The following FGF12 variants were observed in gnomAD, a reference collection of about 807,000 sequenced individuals.
FGF12 encodes fibroblast growth factor 12, also known as fibroblast growth factor 12B.
In FGF12, 14 loss-of-function variants were observed where a neutral mutation model predicts 23.6. The observed-to-expected ratio is 0.59, with a 90% CI of 0.39 to 0.93. The LOEUF is 0.93. Among genes scored for constraint, FGF12 ranks in the 40% least tolerant of loss-of-function variants. The pLI, the probability that FGF12 is intolerant of heterozygous loss-of-function variation, is 0.00. For missense variants in FGF12, 175 were observed against 217.8 expected (o/e 0.80, Z 1.24); for synonymous variants, 62 against 77.3 (o/e 0.80, Z 1.04).
At chr3:192,289,504 C>A (rs905568820) in intron 4 of FGF12, among the ~76,000 whole-genome samples, 2 of 152,046 alleles carry the variant, frequency 1.3e-5, no homozygotes, top group African/African-American at 2.4e-5. Context: ...GATTCAAATG[C>A]GAAAATACAA....
intron 4 of FGF12, among the ~76,000 whole-genome samples, chr3:192,180,023 T>G (rs1177576427): frequency 2.0e-5 from 3 of 152,144 alleles, no homozygotes; most frequent in Non-Finnish European, 4.4e-5. Flanking sequence ...CCACATAACG[T>G]GTCATGAGGA....
intron 2 of FGF12, among the ~76,000 whole-genome samples, chr3:192,663,552 A>T (rs573120600): frequency 6.6e-6 from 1 of 152,208 alleles, no homozygotes; most frequent in South Asian, 2.1e-4. Flanking sequence ...TTACCCTTCC[A>T]TGTCATCTCT....
chr3:192,666,365 C>A (rs1716873230), intron 2 of FGF12, among the ~76,000 whole-genome samples: 1 of 152,288 alleles, frequency 6.6e-6, no homozygotes, highest in Non-Finnish European at 1.5e-5. Flanking sequence ...GATGGATGCT[C>A]ATTTGTAGTC....
intron 2 of FGF12, among the ~76,000 whole-genome samples, chr3:192,648,203 T>C (rs747108981): frequency 6.6e-6 from 1 of 152,122 alleles, no homozygotes; most frequent in Non-Finnish European, 1.5e-5. Flanking sequence ...TTTATTATTG[T>C]AGGATAAAAA....
intron 2 of FGF12, among the ~76,000 whole-genome samples, chr3:192,659,583 T>C (rs992816368): frequency 1.2e-4 from 18 of 152,172 alleles, no homozygotes; most frequent in Admixed American, 6.5e-5. Flanking sequence ...CTCTCTCCCA[T>C]GACATTTGCT....
intron 2 of FGF12, among the ~76,000 whole-genome samples, chr3:192,537,065 T>C (rs1019654944): frequency 1.3e-5 from 2 of 152,190 alleles, no homozygotes; most frequent in African/African-American, 4.8e-5. Flanking sequence ...TATCTTTCTG[T>C]GCCTGGCTTA....
At chr3:192,445,950 C>A (rs1043668403) in intron 2 of FGF12, among the ~76,000 whole-genome samples, 1 of 152,104 alleles carries the variant, frequency 6.6e-6, no homozygotes, top group Non-Finnish European at 1.5e-5. Flanking sequence ...CTCTGCAGTG[C>A]CCCAGGAATT....
intron 2 of FGF12, among the ~76,000 whole-genome samples, chr3:192,709,549 A>G (rs972667300): frequency 6.6e-6 from 1 of 152,228 alleles, no homozygotes; most frequent in Non-Finnish European, 1.5e-5. Context: ...CAAGAAACCT[A>G]AGTTTCAGTC....
chr3:192,195,817 T>C (rs1376140907), intron 4 of FGF12, among the ~76,000 whole-genome samples: 3 of 152,204 alleles, frequency 2.0e-5, no homozygotes, highest in African/African-American at 7.2e-5. Flanking sequence ...TGGTTAAATA[T>C]ACCTAAGTAA....
intron 2 of FGF12, among the ~76,000 whole-genome samples, chr3:192,577,018 G>C (rs1190220206): frequency 6.6e-6 from 1 of 152,092 alleles, no homozygotes; most frequent in Non-Finnish European, 1.5e-5. Context: ...AGAACACCGG[G>C]ACACAGGGAG....
At chr3:192,610,257 C>T (rs945868468) in intron 2 of FGF12, among the ~76,000 whole-genome samples, 1 of 151,942 alleles carries the variant, frequency 6.6e-6, no homozygotes, top group Non-Finnish European at 1.5e-5. Flanking sequence ...AGTCAGAATC[C>T]AAGCAAAAGA....
intron 2 of FGF12, among the ~76,000 whole-genome samples, chr3:192,532,805 T>C (rs911980441): frequency 2.1e-4 from 32 of 152,212 alleles, no homozygotes; most frequent in African/African-American, 7.2e-4. Flanking sequence ...CTATTTCTTA[T>C]GGTTTTTTGC....
intron 2 of FGF12, among the ~76,000 whole-genome samples, chr3:192,588,363 A>AAG (rs1314666234): frequency 2.0e-5 from 3 of 146,918 alleles, no homozygotes; most frequent in African/African-American, 5.0e-5. Flanking sequence ...AAAAAAAAAA[A>AAG]AAAAGAAAAA....
intron 5 of FGF12, among the ~76,000 whole-genome samples, chr3:192,158,641 C>T (rs1357708764): frequency 1.9e-5 from 1 of 53,950 alleles, no homozygotes; most frequent in African/African-American, 5.9e-5. Context: ...TGTTTTTTCC[C>T]TCCCTCCCTC....
At chr3:192,255,982 G>C (rs7628661) in intron 4 of FGF12, among the ~76,000 whole-genome samples, 5,446 of 152,106 alleles carry the variant, frequency 0.036, 320 homozygotes, top group African/African-American at 0.12. Context: ...ATCATTTCTG[G>C]TGGGGAGGGA....
At chr3:192,407,908 G>T in intron 2 of FGF12, 1 of 1,103,698 alleles carries the variant, frequency 9.1e-7, no homozygotes, top group Non-Finnish European at 1.3e-6. Context: ...TGAGAGAAGA[G>T]GGGTCAGAAT....
intron 4 of FGF12, among the ~76,000 whole-genome samples, chr3:192,314,773 A>C (rs1325781129): frequency 1.3e-5 from 2 of 152,220 alleles, no homozygotes; most frequent in African/African-American, 4.8e-5. Context: ...AAATCAGAAG[A>C]GGAAACTTTC....
intron 2 of FGF12, among the ~76,000 whole-genome samples, chr3:192,369,705 C>A (rs1719136624): frequency 6.6e-6 from 1 of 152,296 alleles, no homozygotes; most frequent in South Asian, 2.1e-4. Context: ...AGTTCCAGCA[C>A]CATTTATTGA....
At chr3:192,458,026 C>A (rs79378221) in intron 2 of FGF12, among the ~76,000 whole-genome samples, 7,300 of 152,286 alleles carry the variant, frequency 0.048, 604 homozygotes, top group African/African-American at 0.17. Context: ...AATCCCCAAG[C>A]CTTGGCAGCT....
Sources: gnomAD v4.1 joint callset for allele counts (sites outside exome capture counted in the v4.1 genomes callset) on GRCh38, gnomAD v4.1.1 for gene constraint, MANE v1.5 for transcripts, NCBI Gene and HGNC (gene_info 2026-07-23, HGNC 2026-07-21) for gene names.